The following PVT1 variants were observed in gnomAD, a reference collection of about 807,000 sequenced individuals.
The protein encoded by PVT1 is Pvt1 oncogene.
intron 3 of PVT1, among the ~76,000 whole-genome samples, chr8:127,938,091 G>A (rs957682438): frequency 1.3e-5 from 2 of 152,008 alleles, no homozygotes; most frequent in African/African-American, 4.8e-5. Context: ...GACCTCCTTG[G>A]GATGTTCACA....
At chr8:128,052,060 C>T (rs2130106726) in intron 4 of PVT1, among the ~76,000 whole-genome samples, 1 of 152,168 alleles carries the variant, frequency 6.6e-6, no homozygotes, top group East Asian at 1.9e-4. Flanking sequence ...TATTCTTTAC[C>T]AATTAGCTTT....
chr8:128,032,556 G>A (rs1232266165), intron 4 of PVT1, among the ~76,000 whole-genome samples: 1 of 152,158 alleles, frequency 6.6e-6, no homozygotes, highest in African/African-American at 2.4e-5. Flanking sequence ...TACCATAATT[G>A]CGTCAGTTAA....
At chr8:127,863,116 T>A (rs1815246996) in intron 2 of PVT1, among the ~76,000 whole-genome samples, 1 of 144,292 alleles carries the variant, frequency 6.9e-6, no homozygotes, top group Admixed American at 6.9e-5. Flanking sequence ...ATTTATTTAT[T>A]TATTTATTTT....
In PVT1 at chr8:127,979,496, A is replaced by G. The variant is rs146688583; in HGVS notation, n.783-9666A>G. 3.5e-3 allele frequency among the ~76,000 whole-genome samples: 537 copies of G among 152,326 alleles called. 2 individuals are homozygous for G. The highest frequency in any genetic ancestry group is 0.012 in the African/African-American group (507 of 41,564). On this transcript the variant is annotated intron_variant and non_coding_transcript_variant, in intron 3 of 10. Transcript: ENST00000651587. ...GCAGGCTGTGTTCTCTAGGAAACAG[A>G]CGCTAAGATGTAGATTAGCAAGTAG... is the stretch of plus-strand genomic sequence containing the variant.
intron 4 of PVT1, among the ~76,000 whole-genome samples, chr8:128,040,793 TTTGA>T (rs1411516883): frequency 6.6e-6 from 1 of 151,964 alleles, no homozygotes; most frequent in Non-Finnish European, 1.5e-5. Flanking sequence ...TGTGCTTGTG[TTTGA>T]GTGCTTCTGT....
intron 2 of PVT1, among the ~76,000 whole-genome samples, chr8:127,825,382 C>G (rs183779826): frequency 6.6e-4 from 100 of 152,300 alleles, no homozygotes; most frequent in African/African-American, 2.3e-3. Context: ...CATGGAGTTG[C>G]TTTCTCATGA....
intron 2 of PVT1, among the ~76,000 whole-genome samples, chr8:127,818,731 A>G (rs762692428): frequency 7.9e-5 from 12 of 152,074 alleles, no homozygotes; most frequent in Non-Finnish European, 1.8e-4. Flanking sequence ...TACCCTCTAG[A>G]GCCTCCACGT....
At chr8:128,021,687 A>G (rs1817440965) in intron 4 of PVT1, among the ~76,000 whole-genome samples, 1 of 152,186 alleles carries the variant, frequency 6.6e-6, no homozygotes, top group Admixed American at 6.5e-5. Context: ...GGGATTTTTC[A>G]AGTCCTTGGA....
intron 4 of PVT1, among the ~76,000 whole-genome samples, chr8:128,039,585 A>G (rs1344824747): frequency 6.6e-6 from 1 of 152,156 alleles, no homozygotes; most frequent in Non-Finnish European, 1.5e-5. Flanking sequence ...GGCTGGGGAG[A>G]CAGTCTAGCC....
At chr8:128,042,784 A>ATTTTAT (rs1813561915) in intron 4 of PVT1, among the ~76,000 whole-genome samples, 1 of 49,004 alleles carries the variant, frequency 2.0e-5, no homozygotes, top group Non-Finnish European at 4.2e-5. Flanking sequence ...TTTTATTTTA[A>ATTTTAT]GAGAGATCTT....
chr8:127,857,745 C>G (rs1395445388), intron 2 of PVT1, among the ~76,000 whole-genome samples: 1 of 152,202 alleles, frequency 6.6e-6, no homozygotes, highest in Non-Finnish European at 1.5e-5. Flanking sequence ...CATTTTCTGA[C>G]ATTGTTTATT....
At chr8:128,026,305 T>C (rs1265145079) in intron 4 of PVT1, among the ~76,000 whole-genome samples, 2 of 147,854 alleles carry the variant, frequency 1.4e-5, no homozygotes, top group Non-Finnish European at 2.9e-5. Flanking sequence ...ACTTTTTATT[T>C]TTTTATTTGT....
chr8:127,917,836 G>T (rs1480173171), intron 3 of PVT1, among the ~76,000 whole-genome samples: 1 of 152,252 alleles, frequency 6.6e-6, no homozygotes, highest in Non-Finnish European at 1.5e-5. Flanking sequence ...GGTGGCCAAG[G>T]GCAGAGTGGA....
chr8:127,929,344 T>A (rs2129882325), intron 3 of PVT1, among the ~76,000 whole-genome samples: 1 of 152,208 alleles, frequency 6.6e-6, no homozygotes, highest in East Asian at 1.9e-4. Context: ...TACACCGTTT[T>A]GCCTCGCCCA....
chr8:128,051,442 A>T (rs898695899), intron 4 of PVT1, among the ~76,000 whole-genome samples: 3 of 152,148 alleles, frequency 2.0e-5, no homozygotes, highest in African/African-American at 7.2e-5. Flanking sequence ...AATAAATTAC[A>T]AATTATTTGG....
chr8:128,078,221 A>C lies in PVT1; in HGVS notation n.1114+7860A>C, dbSNP rs190997397. On this transcript the variant is annotated intron_variant and non_coding_transcript_variant, in intron 5 of 10. Transcript: ENST00000651587. ...CCAGAGATAACATTTAATCATGTGTATCTCCAGTGCCTAGCCTCTTGTAAG... is the reference window on the plus strand; with the variant it reads ...CCAGAGATAACATTTAATCATGTGTCTCTCCAGTGCCTAGCCTCTTGTAAG... 1.8e-3 allele frequency among the ~76,000 whole-genome samples: 269 copies of C among 152,338 alleles called. 1 individual carries two copies. The highest frequency in any genetic ancestry group is 6.2e-3 in the African/African-American group (258 of 41,580).
At chr8:127,946,003 T>C (rs531110219) in intron 3 of PVT1, among the ~76,000 whole-genome samples, 4 of 152,184 alleles carry the variant, frequency 2.6e-5, no homozygotes, top group Non-Finnish European at 4.4e-5. Flanking sequence ...AAAGAGTTAG[T>C]GTAACACATG....
chr8:128,049,358 G>C, intron 4 of PVT1: 1 of 340,932 alleles, frequency 2.9e-6, no homozygotes, highest in East Asian at 8.7e-5. Context: ...CGCATGCCCA[G>C]CTTTGCGCGG....
intron 2 of PVT1, among the ~76,000 whole-genome samples, chr8:127,871,423 C>T (rs1816064048): frequency 6.6e-6 from 1 of 152,194 alleles, no homozygotes; most frequent in South Asian, 2.1e-4. Flanking sequence ...TGCTTCACAT[C>T]CTAGGTTTGT....
Sources: gnomAD v4.1 joint callset for allele counts (sites outside exome capture counted in the v4.1 genomes callset) on GRCh38, gnomAD v4.1.1 for gene constraint, MANE v1.5 for transcripts, NCBI Gene and HGNC (gene_info 2026-07-23, HGNC 2026-07-21) for gene names.